Variants in FOCAD observed in about 807,000 individuals in gnomAD.
FOCAD encodes the protein focadhesin, also known as KIAA1797.
FOCAD carries 198 observed loss-of-function variants against 225.6 expected under a neutral mutation model. That is an observed-to-expected ratio of 0.88 (90% CI 0.78 to 0.99). The LOEUF (loss-of-function observed/expected upper bound fraction) is 0.99, where lower values mean the gene tolerates loss of function less well. FOCAD is among the 50% of genes least tolerant of loss of function. The probability of loss-of-function intolerance (pLI) is 0.00; values close to 1 mark genes in which losing one functional copy is unlikely to be tolerated. For synonymous variants in FOCAD, 897 were observed against 755.0 expected (o/e 1.19, Z -3.08); for missense variants, 2,713 against 2,123.6 (o/e 1.28, Z -5.46).
chr9:20,929,110 A>G (rs539980521), intron 26 of FOCAD: 355 of 411,642 alleles, frequency 8.6e-4, no homozygotes, highest in African/African-American at 6.2e-3. Context: ...CTTTAAAAGG[A>G]AGACGCTTGT....
At position 20,698,964 on chromosome 9, in the gene FOCAD, A is replaced by T. The variant is rs79076430; in HGVS notation, c.-33+14671A>T. On this transcript the variant is annotated intron_variant, in intron 1 of 43. Transcript: ENST00000338382. ...CTTTGGGATATAGCCAAGAAGTGTC[A>T]GATAGTAAGATCAAATGCTCAGGAA... Among the ~76,000 whole-genome samples, 587 of 152,308 alleles carry T rather than the reference A, an allele frequency of 3.9e-3. 4 individuals are homozygous for T. Among genetic ancestry groups the T allele is most frequent in the African/African-American group, 0.013 (550 of 41,570 alleles).
chr9:20,661,884 G>C (rs574454762), intron 2 of FOCAD, among the ~76,000 whole-genome samples: 2 of 152,084 alleles, frequency 1.3e-5, no homozygotes, highest in Non-Finnish European at 2.9e-5. Flanking sequence ...GGAAACCTCT[G>C]AAATGGCCAT....
At chr9:20,959,951 G>A (rs73426760) in intron 35 of FOCAD, among the ~76,000 whole-genome samples, 2,645 of 152,180 alleles carry the variant, frequency 0.017, 73 homozygotes, top group African/African-American at 0.059. Context: ...GTTGTAAAAT[G>A]CATAGAAAAG....
At chr9:20,729,894 G>T (rs536946390) in intron 4 of FOCAD, among the ~76,000 whole-genome samples, 1 of 151,994 alleles carries the variant, frequency 6.6e-6, no homozygotes, top group Non-Finnish European at 1.5e-5. Context: ...TTTAATTGTG[G>T]TGGTGGGATA....
At chr9:20,915,314 A>T (rs180814878) in intron 23 of FOCAD, among the ~76,000 whole-genome samples, 21 of 152,338 alleles carry the variant, frequency 1.4e-4, no homozygotes, top group African/African-American at 4.8e-4. Flanking sequence ...CCCTGATTCT[A>T]TATTTAAAGG....
chr9:20,960,019 AG>A (rs1838555442), intron 35 of FOCAD, among the ~76,000 whole-genome samples: 1 of 152,144 alleles, frequency 6.6e-6, no homozygotes, highest in Non-Finnish European at 1.5e-5. Flanking sequence ...CCTTTCAACC[AG>A]GGGCACTATT....
At chr9:20,719,540 A>G (rs1825611346) in intron 3 of FOCAD, among the ~76,000 whole-genome samples, 1 of 152,088 alleles carries the variant, frequency 6.6e-6, no homozygotes, top group Non-Finnish European at 1.5e-5. Flanking sequence ...GTAAGTCTAA[A>G]TGGACTTTAT....
chr9:20,671,154 A>C (rs1281593081), intron 2 of FOCAD, among the ~76,000 whole-genome samples: 4 of 152,190 alleles, frequency 2.6e-5, no homozygotes. Flanking sequence ...TCATGGATAC[A>C]TACAACCTTA....
intron 8 of FOCAD, 72 bp downstream of exon 8, chr9:20,770,310 A>C (rs756645848): frequency 2.6e-5 from 36 of 1,372,870 alleles, no homozygotes; most frequent in Admixed American, 3.7e-5. Context: ...TAATTTATAA[A>C]GAAATGAGGT....
intron 27 of FOCAD, among the ~76,000 whole-genome samples, chr9:20,931,390 C>T (rs6475488): frequency 0.73 from 111,118 of 152,130 alleles, 40,831 homozygotes; most frequent in East Asian, 0.94. Flanking sequence ...CCATTACTAA[C>T]ATAACTATTC....
At chr9:20,966,487 T>A (rs1273824374) in intron 35 of FOCAD, among the ~76,000 whole-genome samples, 1 of 152,150 alleles carries the variant, frequency 6.6e-6, no homozygotes, top group African/African-American at 2.4e-5. Flanking sequence ...ATTTACTTGA[T>A]AATACCCTTT....
chr9:20,874,425 C>T (rs1830054986), intron 18 of FOCAD: 1 of 325,114 alleles, frequency 3.1e-6, no homozygotes, highest in East Asian at 6.7e-5. Flanking sequence ...TACTGGCTTA[C>T]AGTGATTTAC....
chr9:20,682,604 T>C (rs1822432272), upstream of FOCAD, among the ~76,000 whole-genome samples: 1 of 152,102 alleles, frequency 6.6e-6, no homozygotes, highest in African/African-American at 2.4e-5. Flanking sequence ...TCAAGAAATA[T>C]AGGAATAGAA....
intron 18 of FOCAD, 40 bp from the exon 19 acceptor site, chr9:20,874,641 A>G (rs1408596696): frequency 6.3e-7 from 1 of 1,589,188 alleles, no homozygotes; most frequent in African/African-American, 1.4e-5. Flanking sequence ...ATAATGTTTT[A>G]TTATTATCCT....
At chr9:20,907,017 G>A (rs1350492048) in intron 21 of FOCAD, 133 bp from the exon 22 acceptor site, 1 of 649,302 alleles carries the variant, frequency 1.5e-6, no homozygotes, top group Non-Finnish European at 2.7e-6. Context: ...TTGTGGTTCT[G>A]ATCCTAGACT....
chr9:20,945,802 C>A (rs1837115721), intron 29 of FOCAD, among the ~76,000 whole-genome samples: 1 of 152,108 alleles, frequency 6.6e-6, no homozygotes, highest in Non-Finnish European at 1.5e-5. Context: ...TATTATTCAA[C>A]TTCTGCCTTA....
intron 40 of FOCAD, among the ~76,000 whole-genome samples, chr9:20,987,618 T>C (rs1329016441): frequency 2.6e-5 from 4 of 152,194 alleles, no homozygotes; most frequent in Non-Finnish European, 4.4e-5. Context: ...GATGAGAAAC[T>C]GGACTTTTTA....
intron 36 of FOCAD, 109 bp from the exon 37 acceptor site, chr9:20,978,230 T>G: frequency 1.6e-6 from 1 of 622,966 alleles, no homozygotes. Flanking sequence ...TGAAGTTCTG[T>G]TACCTGCAAA....
intron 2 of FOCAD, among the ~76,000 whole-genome samples, chr9:20,663,499 A>ACACACATACACACC (rs1563862901): frequency 6.6e-6 from 1 of 151,686 alleles, no homozygotes; most frequent in Non-Finnish European, 1.5e-5. Flanking sequence ...ACACACACAC[A>ACACACATACACACC]CACACACATA....
Sources: allele counts gnomAD v4.1 joint callset (sites outside exome capture counted in the v4.1 genomes callset), GRCh38; gene constraint gnomAD v4.1.1; transcripts MANE v1.5; gene names NCBI Gene and HGNC (gene_info 2026-07-23, HGNC 2026-07-21).